RYK: variants seen among roughly 807,000 people sequenced by gnomAD.
RYK encodes the protein receptor like tyrosine kinase, also known as inactive tyrosine-protein kinase RYK.
RYK carries 21 observed loss-of-function variants against 70.2 expected under a neutral mutation model. The observed-to-expected ratio is 0.30, with a 90% CI of 0.21 to 0.43. The LOEUF is 0.43. Among genes scored for constraint, RYK ranks in the 20% least tolerant of loss-of-function variants. The pLI, the probability that RYK is intolerant of heterozygous loss-of-function variation, is 1.00. For synonymous variants in RYK, 267 were observed against 278.0 expected (o/e 0.96, Z 0.39); for missense variants, 604 against 753.3 (o/e 0.80, Z 2.32).
chr3:134,198,366 C>A (rs1025805824), intron 6 of RYK, among the ~76,000 whole-genome samples: 2 of 152,212 alleles, frequency 1.3e-5, no homozygotes, highest in Non-Finnish European at 2.9e-5. Context: ...ATTCATTCCA[C>A]AAATATTTAT....
At chr3:134,164,706 T>C (rs777501931) in intron 13 of RYK, among the ~76,000 whole-genome samples, 1 of 152,276 alleles carries the variant, frequency 6.6e-6, no homozygotes, top group African/African-American at 2.4e-5. Flanking sequence ...AAAGCTGCTA[T>C]GAACATCTGC....
At chr3:134,178,991 AG>A (rs1419027464) in intron 10 of RYK, 1 of 152,194 alleles carries the variant, frequency 6.6e-6, no homozygotes, top group African/African-American at 2.4e-5. Flanking sequence ...AGTAACAAAT[AG>A]CCTTAAAACA....
At chr3:134,160,763 G>A (rs527314542) in intron 13 of RYK, among the ~76,000 whole-genome samples, 3 of 152,192 alleles carry the variant, frequency 2.0e-5, no homozygotes, top group African/African-American at 4.8e-5. Context: ...GCTGAAGCAG[G>A]AGAATCGCTT....
intron 13 of RYK, among the ~76,000 whole-genome samples, chr3:134,164,180 T>C (rs1470473914): frequency 2.0e-5 from 3 of 152,122 alleles, no homozygotes; most frequent in Admixed American, 6.5e-5. Flanking sequence ...GGTCTTAAGA[T>C]TGGGTAAATT....
In RYK at chr3:134,211,607, C is replaced by A; in HGVS notation, c.355G>T (p.Val119Phe). The change falls in exon 3 of 15, where the codon GTT becomes TTT. Residue 119 changes from valine to phenylalanine, a missense_variant and splice_region_variant. By Grantham distance (50) the Val-to-Phe change is conservative. Transcript: ENST00000623711. ...ACTTGGAATCCCAGCTTATATTCAA[C>A]CTGTAAAATAGACAAAAATAAACAA... ...LHFTWHAKSK[V>F]EYKLGFQVDN... 1 of 1,609,172 alleles carries A rather than the reference C, an allele frequency of 6.2e-7. No individual in the cohort carries two copies. The highest frequency in any genetic ancestry group is 8.5e-7 in the Non-Finnish European group (1 of 1,175,862).
chr3:134,242,310 A>C (rs2015344091), intron 1 of RYK, among the ~76,000 whole-genome samples: 2 of 152,062 alleles, frequency 1.3e-5, no homozygotes, highest in African/African-American at 4.8e-5. Context: ...CGTCTCAAAA[A>C]AAAAAAAAAG....
intron 13 of RYK, among the ~76,000 whole-genome samples, chr3:134,160,185 T>A (rs1464021433): frequency 6.6e-6 from 1 of 152,212 alleles, no homozygotes; most frequent in Non-Finnish European, 1.5e-5. Context: ...TATGAGTACC[T>A]ACAAATTCAA....
intron 13 of RYK, among the ~76,000 whole-genome samples, chr3:134,164,118 G>A (rs147775450): frequency 8.3e-4 from 127 of 152,290 alleles, no homozygotes; most frequent in Non-Finnish European, 1.5e-3. Flanking sequence ...TTATAGGCAT[G>A]AGCCACCATG....
chr3:134,189,738 G>A (rs1384928882), intron 8 of RYK, among the ~76,000 whole-genome samples: 56 of 40,786 alleles, frequency 1.4e-3, no homozygotes, highest in Admixed American at 6.1e-3. Flanking sequence ...ACGAGACTCC[G>A]CCAAAAAAAA....
At chr3:134,208,924 T>TC (rs1560017271) in intron 4 of RYK, among the ~76,000 whole-genome samples, 1 of 151,172 alleles carries the variant, frequency 6.6e-6, no homozygotes, top group Admixed American at 6.6e-5. Flanking sequence ...TAAAGTATAT[T>TC]TCCCCCCCCC....
chr3:134,195,576 T>C (rs1159463758), intron 6 of RYK, among the ~76,000 whole-genome samples: 2 of 152,244 alleles, frequency 1.3e-5, no homozygotes, highest in African/African-American at 4.8e-5. Flanking sequence ...CCTCTTTCAA[T>C]GATGGCCCAA....
intron 3 of RYK, among the ~76,000 whole-genome samples, chr3:134,211,273 G>T (rs2107679500): frequency 6.6e-6 from 1 of 152,332 alleles, no homozygotes; most frequent in East Asian, 1.9e-4. Context: ...GTAAGTACCA[G>T]CAATGCAGAA....
At chr3:134,237,961 C>T (rs1353647088) in intron 1 of RYK, among the ~76,000 whole-genome samples, 5 of 152,058 alleles carry the variant, frequency 3.3e-5, no homozygotes, top group Non-Finnish European at 5.9e-5. Flanking sequence ...ATGTATTAAA[C>T]CACTGAATAC....
chr3:134,190,623 C>A (rs1032488858), intron 8 of RYK, among the ~76,000 whole-genome samples: 2 of 151,986 alleles, frequency 1.3e-5, no homozygotes, highest in Non-Finnish European at 1.5e-5. Flanking sequence ...AACCTGACCA[C>A]CTTTTTAAAT....
intron 1 of RYK, among the ~76,000 whole-genome samples, chr3:134,249,272 A>G (rs2015545477): frequency 6.6e-6 from 1 of 152,216 alleles, no homozygotes; most frequent in Non-Finnish European, 1.5e-5. Context: ...CTTTGGCTAA[A>G]AACTGCAAAT....
intron 6 of RYK, among the ~76,000 whole-genome samples, chr3:134,201,276 C>A (rs1260957554): frequency 6.6e-6 from 1 of 152,186 alleles, no homozygotes; most frequent in Non-Finnish European, 1.5e-5. Flanking sequence ...TTTCTCCACA[C>A]AGAAATGGAA....
intron 13 of RYK, among the ~76,000 whole-genome samples, chr3:134,167,503 C>T (rs1282937220): frequency 6.6e-6 from 1 of 152,162 alleles, no homozygotes; most frequent in African/African-American, 2.4e-5. Flanking sequence ...GGAAAGGATT[C>T]CCTATTTAAT....
At chr3:134,213,955 C>T (rs974088735) in intron 2 of RYK, among the ~76,000 whole-genome samples, 9 of 152,106 alleles carry the variant, frequency 5.9e-5, no homozygotes, top group Non-Finnish European at 8.8e-5. Flanking sequence ...TACAGGCACA[C>T]GCCACTATGC....
At chr3:134,229,399 C>G (rs868370967) in intron 1 of RYK, among the ~76,000 whole-genome samples, 1 of 112,904 alleles carries the variant, frequency 8.9e-6, no homozygotes, top group African/African-American at 3.5e-5. Context: ...AAAAAAAAAA[C>G]GTAGGATAGA....
Sources: allele counts gnomAD v4.1 joint callset (sites outside exome capture counted in the v4.1 genomes callset), GRCh38; gene constraint gnomAD v4.1.1; transcripts MANE v1.5; gene names NCBI Gene and HGNC (gene_info 2026-07-23, HGNC 2026-07-21).